CLSTN2: variants seen among roughly 807,000 people sequenced by gnomAD.
CLSTN2 encodes the protein calsyntenin-2.
Under a neutral mutation model 101.2 loss-of-function variants are expected in CLSTN2, and 48 were observed. The observed-to-expected ratio is 0.47, with a 90% CI of 0.38 to 0.60. The LOEUF (loss-of-function observed/expected upper bound fraction) is 0.60. CLSTN2 is among the 20% of genes least tolerant of loss of function. The pLI, the probability that CLSTN2 is intolerant of heterozygous loss-of-function variation, is 0.00. For missense variants in CLSTN2, 1,160 were observed against 1,238.2 expected (o/e 0.94, Z 0.95); for synonymous variants, 481 against 463.6 (o/e 1.04, Z -0.48).
At chr3:140,215,799 T>C (rs9756644) in intron 2 of CLSTN2, among the ~76,000 whole-genome samples, 98,473 of 152,142 alleles carry the variant, frequency 0.65, 32,375 homozygotes, top group East Asian at 0.92. Context: ...AATGTGTTAA[T>C]TCATATAAAA....
At chr3:139,979,321 G>A (rs943844739) in intron 1 of CLSTN2, among the ~76,000 whole-genome samples, 1 of 152,154 alleles carries the variant, frequency 6.6e-6, no homozygotes, top group Non-Finnish European at 1.5e-5. Flanking sequence ...GGGAATCCAG[G>A]GTGAATGTGA....
chr3:140,476,437 C>T (rs982086329), intron 8 of CLSTN2, among the ~76,000 whole-genome samples: 2 of 152,190 alleles, frequency 1.3e-5, no homozygotes, highest in African/African-American at 2.4e-5. Flanking sequence ...TTCCACATCT[C>T]TCATCTGAGA....
At chr3:140,093,554 G>A (rs1199493105) in intron 1 of CLSTN2, among the ~76,000 whole-genome samples, 1 of 152,148 alleles carries the variant, frequency 6.6e-6, no homozygotes, top group South Asian at 2.1e-4. Context: ...GCCAGTGACT[G>A]AGGGCTAGCA....
chr3:140,234,102 T>C (rs2086395074), intron 2 of CLSTN2, among the ~76,000 whole-genome samples: 1 of 152,238 alleles, frequency 6.6e-6, no homozygotes, highest in African/African-American at 2.4e-5. Context: ...AACTCAGCCC[T>C]GTGCTGCTGA....
intron 9 of CLSTN2, among the ~76,000 whole-genome samples, chr3:140,540,397 G>A (rs775023161): frequency 6.6e-5 from 10 of 152,182 alleles, no homozygotes; most frequent in African/African-American, 1.7e-4. Flanking sequence ...AGCATCCCCC[G>A]GGATTGTGTG....
intron 1 of CLSTN2, among the ~76,000 whole-genome samples, chr3:140,147,981 G>C (rs915503856): frequency 1.1e-4 from 17 of 152,336 alleles, no homozygotes; most frequent in African/African-American, 4.1e-4. Context: ...AACCAGGGGG[G>C]ATGCGGATGT....
At chr3:140,399,736 C>T (rs59385694) in intron 2 of CLSTN2, among the ~76,000 whole-genome samples, 55 of 151,902 alleles carry the variant, frequency 3.6e-4, no homozygotes, top group African/African-American at 1.2e-3. Flanking sequence ...TCTTAGATTC[C>T]GTGGGTGCAT....
intron 7 of CLSTN2, among the ~76,000 whole-genome samples, chr3:140,464,250 C>T (rs796734023): frequency 4.6e-5 from 7 of 152,284 alleles, no homozygotes; most frequent in African/African-American, 9.6e-5. Context: ...GATCTTACCC[C>T]GTCCTTTCCC....
At chr3:140,383,480 C>T (rs972618972) in intron 2 of CLSTN2, among the ~76,000 whole-genome samples, 2 of 152,142 alleles carry the variant, frequency 1.3e-5, no homozygotes, top group African/African-American at 2.4e-5. Context: ...TAAATTTGTG[C>T]AAAAACATAC....
intron 1 of CLSTN2, among the ~76,000 whole-genome samples, chr3:140,005,812 C>T (rs1440231310): frequency 6.6e-6 from 1 of 152,216 alleles, no homozygotes; most frequent in African/African-American, 2.4e-5. Context: ...CACTTTTGGA[C>T]TTGGGCCAAT....
intron 7 of CLSTN2, among the ~76,000 whole-genome samples, chr3:140,460,717 A>G (rs77080363): frequency 0.09 from 13,739 of 152,234 alleles, 723 homozygotes; most frequent in African/African-American, 0.14. Context: ...ACACACATAC[A>G]CAAACATCCC....
At chr3:140,323,946 T>G (rs919927113) in intron 2 of CLSTN2, among the ~76,000 whole-genome samples, 3 of 152,192 alleles carry the variant, frequency 2.0e-5, no homozygotes, top group African/African-American at 7.2e-5. Flanking sequence ...CACCCAATAA[T>G]GTTCAAAGGC....
At chr3:140,372,579 G>T (rs949040570) in intron 2 of CLSTN2, among the ~76,000 whole-genome samples, 1 of 152,132 alleles carries the variant, frequency 6.6e-6, no homozygotes, top group Non-Finnish European at 1.5e-5. Context: ...CTGGTCTCAA[G>T]GCAAGTAATG....
intron 1 of CLSTN2, among the ~76,000 whole-genome samples, chr3:140,006,179 A>G (rs2006949734): frequency 6.6e-6 from 1 of 152,208 alleles, no homozygotes; most frequent in South Asian, 2.1e-4. Context: ...TAAGAATATG[A>G]TATTTATGAG....
chr3:140,070,767 C>G (rs1218618163), intron 1 of CLSTN2, among the ~76,000 whole-genome samples: 1 of 152,112 alleles, frequency 6.6e-6, no homozygotes, highest in African/African-American at 2.4e-5. Flanking sequence ...GTGGCTTGCT[C>G]AAATCCAGCC....
At chr3:140,420,086 GTTT>G (rs951809932) in intron 4 of CLSTN2, among the ~76,000 whole-genome samples, 1 of 151,152 alleles carries the variant, frequency 6.6e-6, no homozygotes, top group African/African-American at 2.4e-5. Context: ...TAGAGATGGG[GTTT>G]TACCATGTTG....
Position 140,567,129 on chromosome 3 carries a change from G to C in CLSTN2, c.*876G>C, listed in dbSNP as rs1006078151. On this transcript the variant is annotated 3_prime_UTR_variant, in exon 17 of 17. Transcript: ENST00000458420. ...AGGACACAACACAACACACAACAAG[G>C]ACAGTCACAACAAGCCTAGAGCCAG... The C allele has an allele frequency of 2.0e-5, 3 of 152,762 alleles. No individual in the cohort carries two copies. The highest frequency in any genetic ancestry group is 7.2e-5 in the African/African-American group (3 of 41,442). The allele number at this position is 152,762 out of a possible 1,614,324, so 9.5% of individuals were successfully genotyped here.
At chr3:140,134,100 A>G (rs1418899736) in intron 1 of CLSTN2, among the ~76,000 whole-genome samples, 1 of 152,174 alleles carries the variant, frequency 6.6e-6, no homozygotes, top group Admixed American at 6.5e-5. Context: ...GAGTCCAGTG[A>G]GTGACTGACT....
At chr3:140,522,846 T>G (rs1468136241) in intron 8 of CLSTN2, among the ~76,000 whole-genome samples, 2 of 152,312 alleles carry the variant, frequency 1.3e-5, no homozygotes, top group East Asian at 3.9e-4. Context: ...AAACTGCTCC[T>G]GTGGTTCCTG....
Sources: allele counts gnomAD v4.1 joint callset (sites outside exome capture counted in the v4.1 genomes callset), GRCh38; gene constraint gnomAD v4.1.1; transcripts MANE v1.5; gene names NCBI Gene and HGNC (gene_info 2026-07-23, HGNC 2026-07-21).